MGMT: variants seen among roughly 807,000 people sequenced by gnomAD.
MGMT encodes O-6-methylguanine-DNA methyltransferase.
In MGMT, 14 loss-of-function variants were observed where a neutral mutation model predicts 15.9. The observed-to-expected ratio is 0.88, with a 90% confidence interval of 0.58 to 1.37. The LOEUF (loss-of-function observed/expected upper bound fraction) is 1.37, where lower values mean the gene tolerates loss of function less well. Ranked by LOEUF, MGMT falls within the 40% of genes most tolerant of loss-of-function variation. The pLI, the probability that MGMT is intolerant of heterozygous loss-of-function variation, is 0.00. For synonymous variants in MGMT, 130 were observed against 118.2 expected, an observed-to-expected ratio of 1.10 and a Z score of -0.65; for missense variants, 282 against 268.1, an observed-to-expected ratio of 1.05 and a Z score of -0.36.
intron 2 of MGMT, among the ~76,000 whole-genome samples, chr10:129,638,904 A>G (rs1048843406): frequency 1.3e-5 from 2 of 152,202 alleles, no homozygotes; most frequent in Non-Finnish European, 2.9e-5. Flanking sequence ...AAAATACCCA[A>G]AGAAAACTGG....
intron 2 of MGMT, among the ~76,000 whole-genome samples, chr10:129,574,224 T>C (rs1391991333): frequency 6.6e-6 from 1 of 152,238 alleles, no homozygotes; most frequent in Admixed American, 6.5e-5. Context: ...AAACTATCAC[T>C]TTAAAAGACC....
At chr10:129,645,369 A>G (rs1210306180) in intron 2 of MGMT, among the ~76,000 whole-genome samples, 2 of 151,950 alleles carry the variant, frequency 1.3e-5, no homozygotes, top group Non-Finnish European at 2.9e-5. Context: ...TGATCCACCC[A>G]CCTCAGCCTC....
chr10:129,655,872 T>C (rs1847519764), intron 2 of MGMT, among the ~76,000 whole-genome samples: 1 of 152,170 alleles, frequency 6.6e-6, no homozygotes, highest in African/African-American at 2.4e-5. Context: ...AGTGTCCATA[T>C]AGAGCAGGCA....
intron 2 of MGMT, among the ~76,000 whole-genome samples, chr10:129,676,572 G>A (rs866096076): frequency 4.6e-5 from 7 of 152,246 alleles, no homozygotes; most frequent in African/African-American, 1.2e-4. Flanking sequence ...GGCTCTGCAC[G>A]TGACATGGAG....
intron 1 of MGMT, among the ~76,000 whole-genome samples, chr10:129,521,963 G>A (rs1444103714): frequency 6.6e-6 from 1 of 152,252 alleles, no homozygotes; most frequent in Non-Finnish European, 1.5e-5. Context: ...TGCAGGGCAC[G>A]CAGGGCCGAT....
At chr10:129,764,986 G>A (rs1198298526) in intron 4 of MGMT, among the ~76,000 whole-genome samples, 1 of 152,120 alleles carries the variant, frequency 6.6e-6, no homozygotes, top group Non-Finnish European at 1.5e-5. Flanking sequence ...CCTTCTACGT[G>A]TCGTGCCAGC....
intron 2 of MGMT, among the ~76,000 whole-genome samples, chr10:129,660,093 C>G (rs1478294512): frequency 1.7e-4 from 26 of 152,172 alleles, no homozygotes; most frequent in Non-Finnish European, 1.5e-5. Context: ...CTTTTCAGAG[C>G]TAAGTTTATA....
intron 2 of MGMT, among the ~76,000 whole-genome samples, chr10:129,653,405 A>C (rs1347823791): frequency 6.6e-6 from 1 of 152,194 alleles, no homozygotes; most frequent in East Asian, 1.9e-4. Context: ...GCTCAGTTTC[A>C]CACCCATCCT....
rs763180406 is a variant in MGMT at position 129,767,075 on chromosome 10, G to A, written c.*78G>A. The A allele has an allele frequency of 4.6e-4, 568 of 1,228,612 alleles. 1 individual carries two copies. The highest frequency in any genetic ancestry group is 5.9e-4 in the Non-Finnish European group (528 of 898,070). 76.1% of individuals were successfully genotyped at this position (1,228,612 alleles called of 1,614,324 possible). On this transcript the variant is annotated 3_prime_UTR_variant, in exon 5 of 5. Coordinates refer to ENST00000651593, the MANE Select transcript of MGMT (RefSeq NM_002412.5). ...GGATGCGGGGCGTGGAGGCACCGCT[G>A]TATTAAAGGAAGTGGCAGTGTCCTG...
chr10:129,554,439 A>G (rs1038482512), intron 2 of MGMT, among the ~76,000 whole-genome samples: 1 of 152,034 alleles, frequency 6.6e-6, no homozygotes, highest in Non-Finnish European at 1.5e-5. Context: ...TGATTTTTCA[A>G]GGTCTGTGCT....
intron 2 of MGMT, among the ~76,000 whole-genome samples, chr10:129,691,555 ACAT>A (rs1216696591): frequency 1.3e-5 from 2 of 152,190 alleles, no homozygotes; most frequent in African/African-American, 2.4e-5. Context: ...GTTTCAAATA[ACAT>A]CATGGAGGAG....
intron 3 of MGMT, among the ~76,000 whole-genome samples, chr10:129,712,212 G>A (rs1848240800): frequency 6.6e-6 from 1 of 152,182 alleles, no homozygotes; most frequent in Admixed American, 6.5e-5. Context: ...TCCTGCCAAG[G>A]CAGGACCAGG....
intron 3 of MGMT, among the ~76,000 whole-genome samples, chr10:129,744,223 G>A (rs1848668428): frequency 6.6e-6 from 1 of 152,170 alleles, no homozygotes; most frequent in South Asian, 2.1e-4. Context: ...CTCCTGGCAA[G>A]CCCAGAGAAC....
At chr10:129,737,531 T>A (rs568637188) in intron 3 of MGMT, among the ~76,000 whole-genome samples, 1 of 152,368 alleles carries the variant, frequency 6.6e-6, no homozygotes, top group East Asian at 1.9e-4. Flanking sequence ...AATTTGATCG[T>A]CTGAAGCCTT....
At chr10:129,467,515 C>A in intron 1 of MGMT, 1 of 820,916 alleles carries the variant, frequency 1.2e-6, no homozygotes, top group Non-Finnish European at 1.5e-6. Flanking sequence ...GGCTGCGCTG[C>A]AGTGACTGTG....
intron 2 of MGMT, among the ~76,000 whole-genome samples, chr10:129,630,814 T>C (rs1847201503): frequency 6.6e-6 from 1 of 152,248 alleles, no homozygotes; most frequent in Non-Finnish European, 1.5e-5. Context: ...TTTTGTGAAT[T>C]ATTTCATTGC....
intron 2 of MGMT, among the ~76,000 whole-genome samples, chr10:129,638,432 AAAAAAAAAAAAAAG>A (rs1424111677): frequency 2.3e-5 from 3 of 128,638 alleles, no homozygotes; most frequent in Admixed American, 7.6e-5. Context: ...AAAGAGGCAA[AAAAAAAAAAAAAAG>A]AAAAAAAAAA....
chr10:129,598,918 C>T (rs578192573), intron 2 of MGMT, among the ~76,000 whole-genome samples: 1 of 152,244 alleles, frequency 6.6e-6, no homozygotes, highest in South Asian at 2.1e-4. Context: ...TCCTTTATTA[C>T]CCCAGTTTAC....
chr10:129,542,726 T>G (rs1589858259), intron 2 of MGMT, among the ~76,000 whole-genome samples: 2 of 152,354 alleles, frequency 1.3e-5, no homozygotes, highest in South Asian at 2.1e-4. Flanking sequence ...CAGGCGCTCC[T>G]TGGCTTTATA....
Sources: gnomAD v4.1 joint callset for allele counts (sites outside exome capture counted in the v4.1 genomes callset) on GRCh38, gnomAD v4.1.1 for gene constraint, MANE v1.5 for transcripts, NCBI Gene and HGNC (gene_info 2026-07-23, HGNC 2026-07-21) for gene names.